SLC44A1: variants seen among roughly 807,000 people sequenced by gnomAD.
SLC44A1 encodes solute carrier family 44 member 1.
SLC44A1 carries 26 observed loss-of-function variants against 79.3 expected under a neutral mutation model. That is an observed-to-expected ratio of 0.33 (90% CI 0.24 to 0.46). The LOEUF is 0.46. Ranked by LOEUF, SLC44A1 falls within the 20% of genes least tolerant of loss-of-function variation. SLC44A1 has a pLI of 1.00. For synonymous variants in SLC44A1, 263 were observed against 286.2 expected, an observed-to-expected ratio of 0.92 and a Z score of 0.82; for missense variants, 688 against 798.1, an observed-to-expected ratio of 0.86 and a Z score of 1.66.
chr9:105,401,117 G>A (rs965187553), downstream of SLC44A1, among the ~76,000 whole-genome samples: 5 of 152,102 alleles, frequency 3.3e-5, no homozygotes, highest in African/African-American at 1.2e-4. Context: ...GGAAAAGATC[G>A]GTTTATTTGG....
At chr9:105,402,103 G>A (rs1423120684), downstream of SLC44A1, among the ~76,000 whole-genome samples, 1 of 152,210 alleles carries the variant, frequency 6.6e-6, no homozygotes, top group African/African-American at 2.4e-5. Context: ...GAAGATGTGC[G>A]TTTGCACCAA....
chr9:105,298,035 A>C (rs931140812), intron 1 of SLC44A1, among the ~76,000 whole-genome samples: 3 of 151,968 alleles, frequency 2.0e-5, no homozygotes, highest in Admixed American at 2.0e-4. Flanking sequence ...TAGAAAGCTC[A>C]GGGGGGTTAT....
chr9:105,371,817 G>GT (rs113453484), intron 12 of SLC44A1, among the ~76,000 whole-genome samples: 19,200 of 151,896 alleles, frequency 0.13, 2,370 homozygotes, highest in African/African-American at 0.33. Flanking sequence ...TTAACTGGGT[G>GT]TTTTGTGAGT....
At position 105,356,200 on chromosome 9, in the gene SLC44A1, T is replaced by C. The variant is rs751015628; in HGVS notation, c.501-12T>C. On this transcript the variant is annotated splice_polypyrimidine_tract_variant and intron_variant, in intron 5 of 15. Coordinates refer to ENST00000374720, the MANE Select transcript of SLC44A1 (RefSeq NM_080546.5). ...TAATTTTTTTTCTGATTTTTTTTTC[T>C]TGTGTCACCAGTGCACCTATTCCAT... 6.2e-7 allele frequency: 1 copy of C among 1,601,154 alleles called. No homozygotes were observed. Among genetic ancestry groups the C allele is most frequent in the South Asian group, 1.1e-5 (1 of 88,574 alleles).
intron 3 of SLC44A1, among the ~76,000 whole-genome samples, chr9:105,328,346 TAGAC>T (rs1826646701): frequency 6.6e-6 from 1 of 152,176 alleles, no homozygotes; most frequent in African/African-American, 2.4e-5. Context: ...GTTGGCGTTT[TAGAC>T]AGGCTGGCCA....
At chr9:105,332,882 G>A (rs755253617) in intron 3 of SLC44A1, among the ~76,000 whole-genome samples, 15 of 152,124 alleles carry the variant, frequency 9.9e-5, no homozygotes, top group Non-Finnish European at 1.9e-4. Context: ...ACTATGTTAG[G>A]TGCTTTATAT....
intron 2 of SLC44A1, 105 bp from the exon 3 acceptor site, chr9:105,309,619 C>A: frequency 2.0e-6 from 2 of 992,862 alleles, no homozygotes; most frequent in Non-Finnish European, 3.0e-6. Flanking sequence ...AAAGATAGCT[C>A]TTTGTTCCCT....
At chr9:105,382,531 G>A (rs1828498671) in intron 13 of SLC44A1, among the ~76,000 whole-genome samples, 2 of 152,090 alleles carry the variant, frequency 1.3e-5, no homozygotes, top group South Asian at 4.1e-4. Context: ...ATACATGTTT[G>A]TTGCAGCATT....
At chr9:105,438,378 C>A in exon 16 of SLC44A1, 4 of 1,131,764 alleles carry the variant, frequency 3.5e-6, no homozygotes, top group African/African-American at 1.6e-5. Context: ...TGAGAGTCTG[C>A]GATTATGAAG....
chr9:105,426,551 TATC>T (rs1460975051), intron 15 of SLC44A1, among the ~76,000 whole-genome samples: 2 of 152,228 alleles, frequency 1.3e-5, no homozygotes, highest in African/African-American at 4.8e-5. Context: ...AGGAGTGAGT[TATC>T]ATGCTGAGTA....
At chr9:105,338,136 A>G (rs1826980220) in intron 4 of SLC44A1, among the ~76,000 whole-genome samples, 1 of 152,246 alleles carries the variant, frequency 6.6e-6, no homozygotes, top group Non-Finnish European at 1.5e-5. Context: ...TGGAGGATAG[A>G]GAAGACAAAA....
At chr9:105,367,497 C>A (rs1827977134) in intron 12 of SLC44A1, among the ~76,000 whole-genome samples, 1 of 152,144 alleles carries the variant, frequency 6.6e-6, no homozygotes, top group Non-Finnish European at 1.5e-5. Flanking sequence ...AAATTGTGTT[C>A]TTTAAAATTG....
intron 1 of SLC44A1, among the ~76,000 whole-genome samples, chr9:105,290,190 A>G (rs1037624665): frequency 2.0e-5 from 3 of 152,198 alleles, no homozygotes; most frequent in Admixed American, 2.0e-4. Context: ...TTGCATATGC[A>G]TGAAATTTTA....
At chr9:105,257,672 A>G (rs965033832) in intron 1 of SLC44A1, among the ~76,000 whole-genome samples, 1 of 152,248 alleles carries the variant, frequency 6.6e-6, no homozygotes, top group East Asian at 1.9e-4. Flanking sequence ...GCTTCCTGAA[A>G]ATGATTCTCC....
At chr9:105,362,053 CGTGTGTGTGCGCGCGCGCGCGTGTGTGT>C (rs1306706373) in intron 8 of SLC44A1, among the ~76,000 whole-genome samples, 5 of 151,236 alleles carry the variant, frequency 3.3e-5, no homozygotes, top group African/African-American at 7.3e-5. Flanking sequence ...TTTGTGTGTG[CGTGTGTGTGCGCGCGCGCGCGTGTGTGT>C]GTGTGTGTGT....
In SLC44A1 at chr9:105,362,867, T is replaced by C; in HGVS notation, c.947T>C (p.Leu316Pro). The change falls in exon 9 of 16, where the codon CTT becomes CCT. Residue 316 changes from leucine (L) to proline (P), a missense_variant. By Grantham distance (98) the Leu-to-Pro change is moderately conservative. Coordinates refer to ENST00000374720, the MANE Select transcript of SLC44A1 (RefSeq NM_080546.5). ...TTGGTTATGCGCAAACGTGTTGCTCTTACCATCGCCTTGTTCCACGTAGCT... is the reference window on the plus strand; with the variant it reads ...TTGGTTATGCGCAAACGTGTTGCTCCTACCATCGCCTTGTTCCACGTAGCT... ...IMLVMRKRVA[L>P]TIALFHVAGK... 2 of 1,613,246 alleles carry C rather than the reference T, an allele frequency of 1.2e-6. No individual in the cohort carries two copies. Among genetic ancestry groups the C allele is most frequent in the South Asian group, 2.2e-5 (2 of 90,764 alleles).
At chr9:105,426,632 C>G (rs1239671055) in intron 15 of SLC44A1, among the ~76,000 whole-genome samples, 2 of 152,018 alleles carry the variant, frequency 1.3e-5, no homozygotes, top group Non-Finnish European at 2.9e-5. Context: ...GACAAGAAAA[C>G]AGAGACTAGG....
chr9:105,412,257 T>C (rs1393767596), intron 15 of SLC44A1, among the ~76,000 whole-genome samples: 2 of 152,232 alleles, frequency 1.3e-5, no homozygotes, highest in Non-Finnish European at 2.9e-5. Flanking sequence ...TAAATAAATA[T>C]CAAATCCCAG....
intron 1 of SLC44A1, among the ~76,000 whole-genome samples, chr9:105,286,354 C>G (rs1830478049): frequency 6.6e-6 from 1 of 152,138 alleles, no homozygotes; most frequent in Admixed American, 6.5e-5. Context: ...TACTTAACCC[C>G]CTTTGTCTCA....
Sources: gnomAD v4.1 joint callset for allele counts (sites outside exome capture counted in the v4.1 genomes callset) on GRCh38, gnomAD v4.1.1 for gene constraint, MANE v1.5 for transcripts, NCBI Gene and HGNC (gene_info 2026-07-23, HGNC 2026-07-21) for gene names.